Variants in TENM3 observed in about 807,000 individuals in gnomAD.
TENM3 encodes teneurin-3.
In TENM3, 63 loss-of-function variants were observed where a neutral mutation model predicts 255.1. That is an observed-to-expected ratio of 0.25 (90% CI 0.20 to 0.30). The LOEUF is 0.30. Ranked by LOEUF, TENM3 falls within the 10% of genes least tolerant of loss-of-function variation. TENM3 has a pLI of 1.00. For missense variants in TENM3, 2,929 were observed against 3,461.1 expected, an observed-to-expected ratio of 0.85 and a Z score of 3.86; for synonymous variants, 1,306 against 1,322.3, an observed-to-expected ratio of 0.99 and a Z score of 0.27.
At chr4:182,688,847 C>T (rs1218909703) in intron 12 of TENM3, among the ~76,000 whole-genome samples, 5 of 152,210 alleles carry the variant, frequency 3.3e-5, no homozygotes, top group Non-Finnish European at 5.9e-5. Flanking sequence ...TTTGTGGTAT[C>T]ATGAGAAATA....
the TENM3 span, among the ~76,000 whole-genome samples, chr4:182,089,944 A>T: frequency 6.6e-6 from 1 of 152,252 alleles, no homozygotes; most frequent in Non-Finnish European, 1.5e-5. Context: ...AATACTTTAT[A>T]TATGCTATCA....
chr4:182,692,412 A>C (rs548486919), intron 12 of TENM3, among the ~76,000 whole-genome samples: 1 of 149,954 alleles, frequency 6.7e-6, no homozygotes, highest in African/African-American at 2.5e-5. Flanking sequence ...GTATTTGTTG[A>C]AGAGGTTTAC....
intron 13 of TENM3, among the ~76,000 whole-genome samples, chr4:182,720,616 A>G (rs1226422878): frequency 1.3e-5 from 2 of 152,212 alleles, no homozygotes; most frequent in East Asian, 1.9e-4. Flanking sequence ...TTCTGGGGGA[A>G]GAACATCCAG....
intron 3 of TENM3, among the ~76,000 whole-genome samples, chr4:182,574,601 TGGCCTTTCTGACA>T (rs1326622838): frequency 6.6e-6 from 1 of 152,174 alleles, no homozygotes; most frequent in African/African-American, 2.4e-5. Context: ...TGTATTATTT[TGGCCTTTCTGACA>T]GTCATTTCAA....
chr4:181,602,106 A>G, the TENM3 span, among the ~76,000 whole-genome samples: 2,436 of 152,298 alleles, frequency 0.016, 81 homozygotes, highest in African/African-American at 0.056. Context: ...TTTAACCCCT[A>G]TAATAACCTT....
At chr4:181,484,653 C>T in the TENM3 span, among the ~76,000 whole-genome samples, 2 of 152,102 alleles carry the variant, frequency 1.3e-5, no homozygotes, top group East Asian at 1.9e-4. Flanking sequence ...GCAGTAGATT[C>T]TGTTCTGTCC....
chr4:181,547,866 T>C, the TENM3 span, among the ~76,000 whole-genome samples: 1 of 152,270 alleles, frequency 6.6e-6, no homozygotes, highest in Middle Eastern at 3.4e-3. Flanking sequence ...TGCAGGTTTG[T>C]TACATATACA....
intron 6 of TENM3, among the ~76,000 whole-genome samples, chr4:182,654,951 G>T (rs913682387): frequency 5.4e-4 from 82 of 152,114 alleles, no homozygotes; most frequent in African/African-American, 1.8e-3. Flanking sequence ...TAATAATAGT[G>T]AATCCCCCGC....
the TENM3 span, among the ~76,000 whole-genome samples, chr4:181,561,242 C>T: frequency 6.6e-6 from 1 of 152,206 alleles, no homozygotes; most frequent in Non-Finnish European, 1.5e-5. Context: ...GTGTGAGCCA[C>T]TGTGCCCCAC....
intron 1 of TENM3, among the ~76,000 whole-genome samples, chr4:182,310,543 C>T (rs1182678654): frequency 6.6e-6 from 1 of 152,164 alleles, no homozygotes; most frequent in Non-Finnish European, 1.5e-5. Context: ...CCAGATGTCC[C>T]AGGACTGACC....
the TENM3 span, among the ~76,000 whole-genome samples, chr4:181,812,503 A>G: frequency 3.3e-4 from 51 of 152,354 alleles, no homozygotes; most frequent in African/African-American, 1.2e-3. Context: ...TTAAAAGACA[A>G]CTTTTGTGTA....
At chr4:181,511,493 C>G in the TENM3 span, among the ~76,000 whole-genome samples, 1 of 152,128 alleles carries the variant, frequency 6.6e-6, no homozygotes, top group Non-Finnish European at 1.5e-5. Flanking sequence ...CTTCCTTTCC[C>G]TCCCTCGTAA....
chr4:181,541,665 C>A, the TENM3 span, among the ~76,000 whole-genome samples: 1 of 152,152 alleles, frequency 6.6e-6, no homozygotes, highest in Non-Finnish European at 1.5e-5. Context: ...CACAACTGGC[C>A]TATTTGTGGT....
the TENM3 span, among the ~76,000 whole-genome samples, chr4:181,734,196 A>G: frequency 6.6e-6 from 1 of 152,128 alleles, no homozygotes. Context: ...CAAATAAAAG[A>G]GGTAAATGTG....
At chr4:181,599,245 A>C in the TENM3 span, among the ~76,000 whole-genome samples, 1 of 152,216 alleles carries the variant, frequency 6.6e-6, no homozygotes, top group African/African-American at 2.4e-5. Flanking sequence ...CAATTGAATA[A>C]GTGTACCATT....
the TENM3 span, among the ~76,000 whole-genome samples, chr4:181,491,787 T>C: frequency 7.9e-5 from 12 of 152,142 alleles, no homozygotes; most frequent in Admixed American, 6.5e-5. Context: ...AAAGTGGACA[T>C]TAATTTGTAG....
chr4:182,731,838 G>C (rs967755983), intron 16 of TENM3, among the ~76,000 whole-genome samples: 1 of 150,512 alleles, frequency 6.6e-6, no homozygotes, highest in Non-Finnish European at 1.5e-5. Flanking sequence ...CTGGAGTGCA[G>C]TGGCACGATC....
chr4:182,447,002 A>G (rs762138704), intron 3 of TENM3, among the ~76,000 whole-genome samples: 1 of 152,216 alleles, frequency 6.6e-6, no homozygotes, highest in Non-Finnish European at 1.5e-5. Context: ...AGTGCCCAAC[A>G]ACATACCTAT....
the TENM3 span, among the ~76,000 whole-genome samples, chr4:182,035,442 C>A: frequency 2.0e-5 from 3 of 152,120 alleles, no homozygotes; most frequent in Non-Finnish European, 4.4e-5. Flanking sequence ...TAGCATTTAT[C>A]TTCAGAACAT....
Sources: gnomAD v4.1 joint callset for allele counts (sites outside exome capture counted in the v4.1 genomes callset) on GRCh38, gnomAD v4.1.1 for gene constraint, MANE v1.5 for transcripts, NCBI Gene and HGNC (gene_info 2026-07-23, HGNC 2026-07-21) for gene names.